PDE8B: variants seen among roughly 807,000 people sequenced by gnomAD.
PDE8B encodes high affinity cAMP-specific and IBMX-insensitive 3',5'-cyclic phosphodiesterase 8B.
PDE8B carries 26 observed loss-of-function variants against 101.3 expected under a neutral mutation model. That is an observed-to-expected ratio of 0.26 (90% CI 0.19 to 0.36). The LOEUF (loss-of-function observed/expected upper bound fraction) is 0.36, where lower values mean the gene tolerates loss of function less well. Among genes scored for constraint, PDE8B ranks in the 10% least tolerant of loss-of-function variants. The pLI, the probability that PDE8B is intolerant of heterozygous loss-of-function variation, is 1.00. For synonymous variants in PDE8B, 424 were observed against 429.3 expected (o/e 0.99, Z 0.15); for missense variants, 810 against 1,163.1 (o/e 0.70, Z 4.42).
intron 10 of PDE8B, among the ~76,000 whole-genome samples, chr5:77,368,726 G>A (rs1784554273): frequency 6.6e-6 from 1 of 152,148 alleles, no homozygotes; most frequent in South Asian, 2.1e-4. Flanking sequence ...TTCATAATTA[G>A]GTTACCAGCA....
At chr5:77,425,034 T>G (rs1007363407) in intron 20 of PDE8B, among the ~76,000 whole-genome samples, 2 of 152,176 alleles carry the variant, frequency 1.3e-5, no homozygotes, top group Non-Finnish European at 2.9e-5. Flanking sequence ...AATAATATAA[T>G]GACTATGGCT....
intron 7 of PDE8B, among the ~76,000 whole-genome samples, chr5:77,347,382 C>T (rs1191327297): frequency 1.3e-5 from 2 of 152,154 alleles, no homozygotes; most frequent in African/African-American, 4.8e-5. Flanking sequence ...CTGGGAGTAC[C>T]TGCTGCATTC....
intron 1 of PDE8B, among the ~76,000 whole-genome samples, chr5:77,287,420 A>T (rs1766252975): frequency 6.6e-6 from 1 of 151,566 alleles, no homozygotes; most frequent in Non-Finnish European, 1.5e-5. Context: ...TCTTTAATGC[A>T]CTTAGGTATT....
chr5:77,380,115 CATTCAGGGGA>C (rs746121634), intron 10 of PDE8B, among the ~76,000 whole-genome samples: 16 of 152,200 alleles, frequency 1.1e-4, no homozygotes, highest in Non-Finnish European at 1.8e-4. Context: ...CTTTCCATAA[CATTCAGGGGA>C]ATGGAGGATG....
upstream of PDE8B, chr5:77,210,640 C>T: frequency 1.0e-6 from 1 of 981,090 alleles, no homozygotes; most frequent in Non-Finnish European, 1.2e-6. This position sits in a 1 kb window ranked among gnomAD's most constrained non-coding sequence, Gnocchi z 4.9. Flanking sequence ...TGGGGCGCCG[C>T]GGCGGGGAGG....
chr5:77,273,454 A>G (rs1362806459), intron 1 of PDE8B, among the ~76,000 whole-genome samples: 1 of 152,226 alleles, frequency 6.6e-6, no homozygotes, highest in African/African-American at 2.4e-5. Flanking sequence ...TGAGAGATGC[A>G]GTTATGAACT....
At chr5:77,089,553 C>A in the PDE8B span, 1 of 152,194 alleles carries the variant, frequency 6.6e-6, no homozygotes, top group Non-Finnish European at 1.5e-5. Flanking sequence ...GTCCCTGGTG[C>A]CAAAAAGGTT....
intron 1 of PDE8B, among the ~76,000 whole-genome samples, chr5:77,253,549 A>C (rs1016110504): frequency 6.6e-6 from 1 of 152,190 alleles, no homozygotes; most frequent in East Asian, 1.9e-4. Context: ...GACTGCGCCT[A>C]TAGATTTATT....
chr5:77,371,484 A>T (rs551050688), intron 10 of PDE8B, among the ~76,000 whole-genome samples: 1 of 152,210 alleles, frequency 6.6e-6, no homozygotes, highest in Non-Finnish European at 1.5e-5. Context: ...TACATATTGC[A>T]TGCTTTCTTA....
At chr5:77,123,054 CCTGT>C in the PDE8B span, among the ~76,000 whole-genome samples, 1 of 152,162 alleles carries the variant, frequency 6.6e-6, no homozygotes, top group Non-Finnish European at 1.5e-5. Context: ...AGGCAGAGCA[CCTGT>C]CTAAGTCCAT....
rs568208681 is a variant in PDE8B, at chr5:77,335,179, T to C, written c.709-2048T>C. The stretch of plus-strand genomic sequence containing the variant: ...ACTGTGTATTATTTACAAAACAGTG[T>C]CGTGATATACATACATATCTTTCTA... On this transcript the variant is annotated intron_variant, in intron 5 of 21. Coordinates refer to ENST00000264917, the MANE Select transcript of PDE8B (RefSeq NM_003719.5). Among the ~76,000 whole-genome samples the C allele has an allele frequency of 3.5e-4, 53 of 152,340 alleles. No individual in the cohort carries two copies. In the South Asian group the frequency reaches 0.011, roughly 30 times the overall value.
chr5:77,208,022 C>T (rs974064841), upstream of PDE8B, among the ~76,000 whole-genome samples: 1 of 152,150 alleles, frequency 6.6e-6, no homozygotes, highest in Non-Finnish European at 1.5e-5. Context: ...TTCAGTTAAC[C>T]CACTAAAGCA....
At chr5:77,090,709 G>A in the PDE8B span, among the ~76,000 whole-genome samples, 1 of 152,128 alleles carries the variant, frequency 6.6e-6, no homozygotes, top group African/African-American at 2.4e-5. Context: ...CCATGTTGTT[G>A]CAAATGGTAA....
At chr5:77,419,340 T>A (rs1045705012) in intron 18 of PDE8B, among the ~76,000 whole-genome samples, 2 of 152,190 alleles carry the variant, frequency 1.3e-5, no homozygotes, top group Admixed American at 1.3e-4. Flanking sequence ...TCCAATGCCA[T>A]CATTGAAAGA....
At chr5:77,188,745 A>T in the PDE8B span, among the ~76,000 whole-genome samples, 7 of 152,240 alleles carry the variant, frequency 4.6e-5, no homozygotes, top group African/African-American at 1.7e-4. Flanking sequence ...CACAGAGGAC[A>T]ATGTAATATT....
At chr5:77,423,013 C>A (rs1455082691) in intron 20 of PDE8B, among the ~76,000 whole-genome samples, 2 of 152,158 alleles carry the variant, frequency 1.3e-5, no homozygotes, top group African/African-American at 2.4e-5. Context: ...ACCCTTGCCC[C>A]CTTCCCTCCT....
At chr5:77,257,249 C>T (rs251428) in intron 1 of PDE8B, among the ~76,000 whole-genome samples, 106,075 of 152,026 alleles carry the variant, frequency 0.7, 37,455 homozygotes, top group East Asian at 0.95. Flanking sequence ...GTAAGTAGTC[C>T]AAGTATCTGA....
chr5:77,389,591 A>G (rs1330594635), intron 10 of PDE8B, among the ~76,000 whole-genome samples: 1 of 152,160 alleles, frequency 6.6e-6, no homozygotes, highest in African/African-American at 2.4e-5. Flanking sequence ...CCATCACGAT[A>G]TTAAACCTTG....
intron 5 of PDE8B, among the ~76,000 whole-genome samples, chr5:77,336,305 G>T (rs1387268444): frequency 6.6e-6 from 1 of 152,136 alleles, no homozygotes; most frequent in Admixed American, 6.5e-5. Flanking sequence ...TCTAGTTAGA[G>T]TGAGAACCTG....
Sources: allele counts gnomAD v4.1 joint callset (sites outside exome capture counted in the v4.1 genomes callset), GRCh38; gene constraint gnomAD v4.1.1; non-coding constraint Gnocchi (gnomAD v3.1); transcripts MANE v1.5; gene names NCBI Gene and HGNC (gene_info 2026-07-23, HGNC 2026-07-21).